Variants in RUFY2 observed in about 807,000 individuals in gnomAD.
RUFY2 encodes RUN and FYVE domain-containing protein 2.
In RUFY2, 49 loss-of-function variants were observed where a neutral mutation model predicts 94.4. The ratio of observed to expected loss-of-function variants is 0.52; its 90% CI spans 0.41 to 0.66. The LOEUF is 0.66. Ranked by LOEUF, RUFY2 falls within the 30% of genes least tolerant of loss-of-function variation. RUFY2 has a pLI of 0.00. For synonymous variants in RUFY2, 255 were observed against 235.7 expected, an observed-to-expected ratio of 1.08 and a Z score of -0.75; for missense variants, 541 against 692.8, an observed-to-expected ratio of 0.78 and a Z score of 2.46.
At chr10:68,355,633 G>A (rs998272151) in intron 15 of RUFY2, 7 of 331,298 alleles carry the variant, frequency 2.1e-5, no homozygotes, top group East Asian at 1.5e-4. Flanking sequence ...TGGCATTTTC[G>A]GCTGGGTGCG....
chr10:68,392,660 C>T (rs1339861901), intron 7 of RUFY2, among the ~76,000 whole-genome samples: 2 of 151,638 alleles, frequency 1.3e-5, no homozygotes, highest in African/African-American at 4.8e-5. Context: ...TGGTGGTTCA[C>T]GCCTGTAATC....
chr10:68,341,506 T>A, downstream of RUFY2: 3 of 1,094,844 alleles, frequency 2.7e-6, no homozygotes, highest in East Asian at 7.3e-5. Context: ...ACTTAATTGA[T>A]CTTTTTTACA....
chr10:68,377,179 T>C (rs2132698295), intron 12 of RUFY2: 1 of 1,420,070 alleles, frequency 7.0e-7, no homozygotes, highest in East Asian at 2.6e-5. Context: ...ATATAACATG[T>C]AGTATGCCCA....
chr10:68,404,589 G>A, intron 2 of RUFY2, 82 bp downstream of exon 2: 3 of 953,590 alleles, frequency 3.1e-6, no homozygotes, highest in East Asian at 3.0e-5. Context: ...CGTAATTATG[G>A]CCTCAAAAAA....
chr10:68,377,136 G>T, intron 12 of RUFY2, 164 bp from the exon 13 acceptor site: 1 of 1,473,128 alleles, frequency 6.8e-7, no homozygotes. Flanking sequence ...GCCACACAAT[G>T]TCTAGAAGTT....
chr10:68,395,805 CG>C (rs1039101500), intron 4 of RUFY2, among the ~76,000 whole-genome samples: 5 of 152,134 alleles, frequency 3.3e-5, no homozygotes, highest in African/African-American at 1.2e-4. Context: ...TGGTCATTCT[CG>C]TTTAACAACT....
intron 13 of RUFY2, among the ~76,000 whole-genome samples, chr10:68,367,114 G>A (rs1382126872): frequency 6.6e-6 from 1 of 151,718 alleles, no homozygotes; most frequent in Admixed American, 6.6e-5. Flanking sequence ...GCTGCAGTGA[G>A]CTGAGATTGC....
chr10:68,386,680 T>C (rs780420830), intron 7 of RUFY2, among the ~76,000 whole-genome samples: 28 of 152,264 alleles, frequency 1.8e-4, no homozygotes, highest in Non-Finnish European at 4.0e-4. Context: ...CTTAGGGTCC[T>C]TCTTAAATTT....
intron 16 of RUFY2, among the ~76,000 whole-genome samples, chr10:68,348,896 C>A (rs1002937146): frequency 2.0e-5 from 3 of 152,126 alleles, no homozygotes; most frequent in Non-Finnish European, 2.9e-5. Flanking sequence ...AAGACTAGAA[C>A]GGAACAACCT....
intron 13 of RUFY2, among the ~76,000 whole-genome samples, chr10:68,367,166 G>C (rs1379487116): frequency 6.6e-6 from 1 of 151,922 alleles, no homozygotes; most frequent in African/African-American, 2.4e-5. Flanking sequence ...AAAAATAGTG[G>C]TATCACTATA....
intron 3 of RUFY2, 137 bp downstream of exon 3, chr10:68,401,483 C>G: frequency 1.6e-6 from 1 of 618,020 alleles, no homozygotes; most frequent in Non-Finnish European, 3.0e-6. Context: ...AAAGAATGAA[C>G]ATAATTTTAT....
intron 15 of RUFY2, among the ~76,000 whole-genome samples, chr10:68,362,553 A>G (rs1192389063): frequency 6.6e-6 from 1 of 151,840 alleles, no homozygotes; most frequent in Admixed American, 6.6e-5. Flanking sequence ...GCATTTTGGG[A>G]GGCTCAGGTG....
At chr10:68,396,394 T>C (rs2050398760) in intron 4 of RUFY2, among the ~76,000 whole-genome samples, 1 of 151,460 alleles carries the variant, frequency 6.6e-6, no homozygotes, top group Non-Finnish European at 1.5e-5. Context: ...AAAAAGCCTA[T>C]GAAATTAAAG....
chr10:68,376,489 T>TATATATACATATATATATTC (rs58358117), intron 13 of RUFY2, among the ~76,000 whole-genome samples: 2 of 51,816 alleles, frequency 3.9e-5, no homozygotes, highest in Admixed American at 5.6e-4. Context: ...TATATATATA[T>TATATATACATATATATATTC]ATTCTCAGAA....
chr10:68,368,352 T>C (rs775278658), intron 13 of RUFY2, among the ~76,000 whole-genome samples: 1 of 152,060 alleles, frequency 6.6e-6, no homozygotes, highest in Non-Finnish European at 1.5e-5. Context: ...CAAATTATTA[T>C]ATTTGAGAAA....
At chr10:68,341,648 C>G (rs747008094), downstream of RUFY2, 1 of 1,613,482 alleles carries the variant, frequency 6.2e-7, no homozygotes, top group South Asian at 1.1e-5. Flanking sequence ...ATGGGAGGTT[C>G]TGGAATGGGA....
intron 16 of RUFY2, among the ~76,000 whole-genome samples, chr10:68,353,667 C>A (rs1172163298): frequency 6.6e-6 from 1 of 151,880 alleles, no homozygotes; most frequent in Non-Finnish European, 1.5e-5. Flanking sequence ...GGCAAGGTGG[C>A]ACGCACCTGT....
chr10:68,360,452 T>A (rs1256112142), intron 15 of RUFY2, among the ~76,000 whole-genome samples: 3 of 148,108 alleles, frequency 2.0e-5, no homozygotes, highest in Non-Finnish European at 4.5e-5. Context: ...TTTAAAAAAA[T>A]AATCTTTCAG....
chr10:68,351,477 T>C (rs1199936700), intron 16 of RUFY2, among the ~76,000 whole-genome samples: 4 of 127,748 alleles, frequency 3.1e-5, no homozygotes, highest in African/African-American at 1.2e-4. Context: ...TGAGACGGAA[T>C]CTTGCTCTGT....
Sources: gnomAD v4.1 joint callset for allele counts (sites outside exome capture counted in the v4.1 genomes callset) on GRCh38, gnomAD v4.1.1 for gene constraint, MANE v1.5 for transcripts, NCBI Gene and HGNC (gene_info 2026-07-23, HGNC 2026-07-21) for gene names.